Variants in UGCG observed in about 807,000 individuals in gnomAD.
The protein encoded by UGCG is UDP-glucose ceramide glucosyltransferase.
Under a neutral mutation model 49.5 loss-of-function variants are expected in UGCG, and 10 were observed. The ratio of observed to expected loss-of-function variants is 0.20; its 90% CI spans 0.12 to 0.34. The LOEUF (loss-of-function observed/expected upper bound fraction) is 0.34, where lower values mean the gene tolerates loss of function less well. Ranked by LOEUF, UGCG falls within the 10% of genes least tolerant of loss-of-function variation. The pLI is 1.00. For synonymous variants in UGCG, 182 were observed against 158.2 expected (o/e 1.15, Z -1.13); for missense variants, 312 against 483.7 (o/e 0.65, Z 3.33).
chr9:111,924,748 C>G (rs553272353), intron 3 of UGCG, 29 bp from the exon 4 acceptor site: 3 of 1,244,372 alleles, frequency 2.4e-6, no homozygotes, highest in African/African-American at 3.1e-5. Flanking sequence ...TTGCATAAAT[C>G]TTTTACTACT....
intron 4 of UGCG, among the ~76,000 whole-genome samples, chr9:111,925,276 C>G (rs946794335): frequency 7.9e-5 from 12 of 152,332 alleles, no homozygotes; most frequent in Admixed American, 3.3e-4. Flanking sequence ...TACTAAAACA[C>G]ATACACTTAT....
At position 111,914,620 on chromosome 9, in the gene UGCG, C is replaced by A. The variant is rs1554734078; in HGVS notation, c.114C>A (p.Asn38Lys). 2 of 1,613,874 alleles carry A rather than the reference C, an allele frequency of 1.2e-6. No individual in the cohort carries two copies. The highest frequency in any genetic ancestry group is 1.7e-6 in the Non-Finnish European group (2 of 1,179,894). Residue 38 changes from asparagine to lysine, a missense_variant, in exon 2 of 9, where the codon AAC becomes AAA. Asn to Lys is a moderately conservative substitution (Grantham distance 94). Coordinates refer to ENST00000374279, the MANE Select transcript of UGCG (RefSeq NM_003358.3). ...MAIIYTRLHL[N>K]KKATDKQPYS... ...TGCTTTTTAGCCGATTACACCTCAACAAGAAGGCAACTGACAAACAGCCTT... is the reference window on the plus strand; with the variant it reads ...TGCTTTTTAGCCGATTACACCTCAAAAAGAAGGCAACTGACAAACAGCCTT...
At position 111,933,210 on chromosome 9, in the gene UGCG, G is replaced by A. The variant is rs111580304; in HGVS notation, c.*213G>A. ...AAATGATACACTTTATTTTGTGGAA[G>A]TAGAGAATCAAGAGAATTGGTTCTA... On this transcript the variant is annotated 3_prime_UTR_variant, in exon 9 of 9. Coordinates refer to ENST00000374279, the MANE Select transcript of UGCG (RefSeq NM_003358.3). 1.2e-5 allele frequency: 4 copies of A among 345,088 alleles called. No individual in the cohort carries two copies. The highest frequency in any genetic ancestry group is 4.7e-6 in the Non-Finnish European group (1 of 210,788). 21.4% of individuals were successfully genotyped at this position (345,088 alleles called of 1,614,324 possible).
chr9:111,926,918 G>A (rs1220267439), intron 5 of UGCG, among the ~76,000 whole-genome samples: 4 of 123,082 alleles, frequency 3.2e-5, no homozygotes, highest in African/African-American at 1.2e-4. Flanking sequence ...TGTTGCCCAG[G>A]CTGGAGTGCA....
chr9:111,927,070 C>T (rs974822967), intron 5 of UGCG, among the ~76,000 whole-genome samples: 5 of 151,796 alleles, frequency 3.3e-5, no homozygotes, highest in African/African-American at 1.2e-4. Flanking sequence ...GGGGTTTCAC[C>T]GTGTTGGCCA....
chr9:111,925,310 C>G (rs1426689046), intron 4 of UGCG, among the ~76,000 whole-genome samples: 1 of 152,200 alleles, frequency 6.6e-6, no homozygotes, highest in South Asian at 2.1e-4. Flanking sequence ...TGACTTTTTA[C>G]TTAAATGATT....
chr9:111,922,960 C>T lies in UGCG; in HGVS notation c.343+9C>T, dbSNP rs200012242. 34 of 1,568,730 alleles carry T rather than the reference C, an allele frequency of 2.2e-5. No homozygotes were observed. The Admixed American group carries it at 2.7e-4, about 12-fold the overall frequency. On this transcript the variant is annotated intron_variant, in intron 3 of 8. Transcript: ENST00000374279. ...TGCTAGATTGTTTATAGGTAAGTAA[C>T]AAATTCTGTAGTAACCATTTTCCAT...
In UGCG at chr9:111,914,605, C is replaced by T. The variant is rs1395077396; in HGVS notation, c.99C>T (p.Thr33=). Residue 33 remains threonine (T), a splice_region_variant and synonymous_variant, in exon 2 of 9, where the codon ACC becomes ACT. Coordinates refer to ENST00000374279, the MANE Select transcript of UGCG (RefSeq NM_003358.3). The part of the protein sequence containing the change: ...WLMHFMAIIY[T]RLHLNKKATD... The stretch of plus-strand genomic sequence containing the variant: ...AATTTTTATATCATTTGCTTTTTAG[C>T]CGATTACACCTCAACAAGAAGGCAA... 1 of 1,612,098 alleles carries T rather than the reference C, an allele frequency of 6.2e-7. No individual in the cohort carries two copies. The highest frequency in any genetic ancestry group is 1.1e-5 in the South Asian group (1 of 90,634).
At chr9:111,918,585 A>G (rs1838152949) in intron 2 of UGCG, among the ~76,000 whole-genome samples, 1 of 152,220 alleles carries the variant, frequency 6.6e-6, no homozygotes, top group Non-Finnish European at 1.5e-5. Flanking sequence ...CTGGCTAATC[A>G]GAAAGTATTT....
chr9:111,923,319 A>G (rs764237692), intron 3 of UGCG, among the ~76,000 whole-genome samples: 38 of 151,544 alleles, frequency 2.5e-4, no homozygotes, highest in African/African-American at 8.2e-4. Flanking sequence ...CCAAAAGCCT[A>G]CAGGCTTATT....
At chr9:111,919,029 A>G (rs1838169074) in intron 2 of UGCG, among the ~76,000 whole-genome samples, 1 of 151,994 alleles carries the variant, frequency 6.6e-6, no homozygotes, top group African/African-American at 2.4e-5. Flanking sequence ...CCTACTTAAC[A>G]CTAGTATAGC....
intron 1 of UGCG, among the ~76,000 whole-genome samples, chr9:111,912,028 G>GTATATATATA (rs1838018670): frequency 3.4e-5 from 1 of 29,518 alleles, no homozygotes; most frequent in Non-Finnish European, 5.6e-5. Context: ...ATATTCAACA[G>GTATATATATA]GATATATATA....
At chr9:111,904,249 C>T (rs1209549375) in intron 1 of UGCG, among the ~76,000 whole-genome samples, 1 of 152,216 alleles carries the variant, frequency 6.6e-6, no homozygotes, top group African/African-American at 2.4e-5. Context: ...TATAGCTGCT[C>T]AACTTTGAAA....
intron 1 of UGCG, among the ~76,000 whole-genome samples, chr9:111,904,402 A>G (rs937422277): frequency 2.6e-5 from 4 of 152,198 alleles, no homozygotes; most frequent in African/African-American, 7.2e-5. Flanking sequence ...TCACTTAAAA[A>G]AACCTCTTCT....
At chr9:111,929,470 AATCAT>A in intron 5 of UGCG, 25 bp from the exon 6 acceptor site, 1 of 1,585,306 alleles carries the variant, frequency 6.3e-7, no homozygotes, top group Non-Finnish European at 8.6e-7. Flanking sequence ...ATGAAATTCT[AATCAT>A]ACACGTTTGT....
chr9:111,901,689 A>C (rs72756237), intron 1 of UGCG, among the ~76,000 whole-genome samples: 18,705 of 152,232 alleles, frequency 0.12, 1,569 homozygotes, highest in East Asian at 0.34. Context: ...TGAACTTAAA[A>C]GTTGAAGAAA....
chr9:111,913,176 G>A (rs1281229533), intron 1 of UGCG, among the ~76,000 whole-genome samples: 3 of 152,214 alleles, frequency 2.0e-5, no homozygotes, highest in Non-Finnish European at 2.9e-5. Context: ...GCAATTGTAA[G>A]GTACCATTGA....
Position 111,929,643 on chromosome 9 carries a change from C to G in UGCG, c.702C>G (p.Ala234=). ...TTATAGCTTTTGCTCAGTACATTGC[C>G]GAAGATTACTTTATGGCCAAAGCGA... ...GGLIAFAQYI[A]EDYFMAKAIA... is the part of the protein sequence containing the mutation. Residue 234 remains alanine (A), a synonymous_variant, in exon 6 of 9, where the codon GCC becomes GCG. Transcript: ENST00000374279. The G allele has an allele frequency of 6.2e-7, 1 of 1,613,582 alleles. No homozygotes were observed. The highest frequency in any genetic ancestry group is 8.5e-7 in the Non-Finnish European group (1 of 1,179,862).
chr9:111,914,224 C>T (rs1838070481), intron 1 of UGCG, among the ~76,000 whole-genome samples: 1 of 152,148 alleles, frequency 6.6e-6, no homozygotes, highest in South Asian at 2.1e-4. Flanking sequence ...TGCGCTATGC[C>T]TGGCATAGTT....
Sources: gnomAD v4.1 joint callset for allele counts (sites outside exome capture counted in the v4.1 genomes callset) on GRCh38, gnomAD v4.1.1 for gene constraint, MANE v1.5 for transcripts, NCBI Gene and HGNC (gene_info 2026-07-23, HGNC 2026-07-21) for gene names.